The following KATNIP variants were observed in gnomAD, a reference collection of about 807,000 sequenced individuals.
The protein encoded by KATNIP is katanin-interacting protein.
A neutral mutation model predicts 174.0 loss-of-function variants in KATNIP; 126 were observed. The ratio of observed to expected loss-of-function variants is 0.72; its 90% confidence interval spans 0.63 to 0.84. KATNIP has a LOEUF of 0.84. Among genes scored for constraint, KATNIP ranks in the 40% least tolerant of loss-of-function variants. KATNIP has a pLI of 0.00. For synonymous variants in KATNIP, 810 were observed against 835.7 expected (o/e 0.97, Z 0.53); for missense variants, 1,958 against 2,109.7 (o/e 0.93, Z 1.41).
At position 27,751,907 on chromosome 16, in the gene KATNIP, T is replaced by G. The variant is rs1406340237; in HGVS notation, c.3535T>G (p.Leu1179Val). The change falls in exon 17 of 28, where the codon TTG becomes GTG. Residue 1179 changes from leucine to valine, a missense_variant. Coordinates refer to ENST00000261588, the MANE Select transcript of KATNIP (RefSeq NM_015202.5). ...TGAGCGGCCCTTCACCCAGGCTGGC[T>G]TGGGGGCTGATGAACGGGTAGGACT... ...GDERPFTQAG[L>V]GADERIPELE... 3.1e-6 allele frequency: 5 copies of G among 1,610,602 alleles called. No individual in the cohort carries two copies. The highest frequency in any genetic ancestry group is 1.3e-5 in the African/African-American group (1 of 74,866).
chr16:27,768,649 C>A (rs1470928261), intron 20 of KATNIP, among the ~76,000 whole-genome samples: 1 of 152,136 alleles, frequency 6.6e-6, no homozygotes, highest in Non-Finnish European at 1.5e-5. Context: ...GGTAGGAATC[C>A]CCCTTGAGGA....
chr16:27,577,900 AT>A (rs1006492501), intron 2 of KATNIP, among the ~76,000 whole-genome samples: 56 of 152,074 alleles, frequency 3.7e-4, no homozygotes, highest in African/African-American at 1.4e-3. Context: ...AATAAATAAA[AT>A]AAAAGTTCCC....
intron 2 of KATNIP, among the ~76,000 whole-genome samples, chr16:27,601,763 G>A (rs1048243066): frequency 7.9e-5 from 12 of 152,314 alleles, no homozygotes; most frequent in African/African-American, 2.2e-4. Context: ...AGAAGCACAA[G>A]GAATATGTGT....
At chr16:27,742,862 A>G (rs1320474387) in intron 15 of KATNIP, among the ~76,000 whole-genome samples, 1 of 142,528 alleles carries the variant, frequency 7.0e-6, no homozygotes, top group Non-Finnish European at 1.5e-5. Flanking sequence ...TTTAACTTTT[A>G]TTTTGGGTTC....
intron 11 of KATNIP, among the ~76,000 whole-genome samples, 173 bp downstream of exon 11, chr16:27,701,868 C>T (rs2079112219): frequency 6.6e-6 from 1 of 152,186 alleles, no homozygotes; most frequent in Non-Finnish European, 1.5e-5. Flanking sequence ...AAACAGCTCA[C>T]TGCAGCCTCA....
intron 8 of KATNIP, among the ~76,000 whole-genome samples, chr16:27,697,923 A>T (rs1297507994): frequency 1.3e-5 from 2 of 152,194 alleles, no homozygotes; most frequent in African/African-American, 4.8e-5. Context: ...GGCAGACATC[A>T]TTCCCCTTTA....
At chr16:27,576,290 G>A (rs574418411) in intron 2 of KATNIP, among the ~76,000 whole-genome samples, 24 of 152,184 alleles carry the variant, frequency 1.6e-4, no homozygotes, top group Non-Finnish European at 3.2e-4. Flanking sequence ...TCTCTCCTGG[G>A]AAGTGCTTGT....
At chr16:27,740,010 A>C (rs759759813) in intron 14 of KATNIP, 31 bp from the exon 15 acceptor site, 13 of 1,585,740 alleles carry the variant, frequency 8.2e-6, no homozygotes, top group Middle Eastern at 1.7e-4. Context: ...GATGCTATGC[A>C]TCTTCACTTT....
chr16:27,661,129 A>G (rs1346469371), intron 6 of KATNIP, among the ~76,000 whole-genome samples: 1 of 152,192 alleles, frequency 6.6e-6, no homozygotes, highest in Non-Finnish European at 1.5e-5. Flanking sequence ...CTAACAAGGA[A>G]TTTTTGTGTT....
chr16:27,763,523 G>C (rs2082022453), intron 19 of KATNIP, among the ~76,000 whole-genome samples: 1 of 148,632 alleles, frequency 6.7e-6, no homozygotes, highest in African/African-American at 2.5e-5. Context: ...GCTGAGGTGG[G>C]AGGATCACTT....
At chr16:27,643,518 G>T (rs574025388) in intron 5 of KATNIP, among the ~76,000 whole-genome samples, 1 of 148,608 alleles carries the variant, frequency 6.7e-6, no homozygotes, top group Non-Finnish European at 1.5e-5. Flanking sequence ...TTGAACCCAG[G>T]AGGCAGAGGT....
chr16:27,737,507 A>G (rs563133540), intron 14 of KATNIP, among the ~76,000 whole-genome samples: 107 of 152,280 alleles, frequency 7.0e-4, no homozygotes, highest in African/African-American at 2.5e-3. Flanking sequence ...AGATGAAAAT[A>G]ACTGGGAGCC....
chr16:27,748,207 C>T (rs1174296561), intron 15 of KATNIP, among the ~76,000 whole-genome samples: 8 of 152,206 alleles, frequency 5.3e-5, no homozygotes, highest in East Asian at 3.9e-4. Flanking sequence ...GTGTTCTCCA[C>T]GCACCTGGGA....
chr16:27,575,306 G>T (rs1472883569), intron 2 of KATNIP, among the ~76,000 whole-genome samples: 11 of 152,188 alleles, frequency 7.2e-5, no homozygotes, highest in Admixed American at 7.2e-4. Context: ...CATGAATAAG[G>T]AAGGTTGCAA....
At chr16:27,552,686 GTTTTTTTTTTT>G (rs768836183) in intron 1 of KATNIP, among the ~76,000 whole-genome samples, 1 of 94,382 alleles carries the variant, frequency 1.1e-5, no homozygotes, top group Non-Finnish European at 2.1e-5. Flanking sequence ...GCAAGTGGCA[GTTTTTTTTTTT>G]TTTTTTTTTT....
At chr16:27,628,612 C>T in intron 3 of KATNIP, 49 bp from the exon 4 acceptor site, 1 of 1,594,938 alleles carries the variant, frequency 6.3e-7, no homozygotes, top group Non-Finnish European at 8.6e-7. Context: ...GGTACAGCAG[C>T]CCAGACTCTC....
intron 2 of KATNIP, among the ~76,000 whole-genome samples, chr16:27,595,063 G>A (rs1347015661): frequency 6.6e-6 from 1 of 152,168 alleles, no homozygotes; most frequent in African/African-American, 2.4e-5. Flanking sequence ...ATAGATGATG[G>A]CAGGATTGGG....
At position 27,773,141 on chromosome 16, in the gene KATNIP, A is replaced by G. The variant is rs766975204; in HGVS notation, c.4241A>G (p.Tyr1414Cys). The G allele has an allele frequency of 8.1e-6, 13 of 1,612,628 alleles. No individual in the cohort carries two copies. Among genetic ancestry groups the G allele is most frequent in the Non-Finnish European group, 5.9e-6 (7 of 1,179,372 alleles). Residue 1414 changes from tyrosine to cysteine, a missense_variant, in exon 23 of 28, where the codon TAC becomes TGC. Tyr to Cys is a radical substitution (Grantham distance 194). Around this residue, in one of 3 missense-constraint regions of KATNIP, gnomAD observed 383 missense variants for 456.0 expected, o/e 0.84. Transcript: ENST00000261588. ...CTTCTCACCAGCTGGGGCGACCCCT[A>G]CTACATCGGCCTCACCGGCCTGGAG... ...FQLLTSWGDP[Y>C]YIGLTGLELY...
chr16:27,574,311 C>T, intron 2 of KATNIP: 1 of 293,766 alleles, frequency 3.4e-6, no homozygotes, highest in Non-Finnish European at 6.6e-6. Flanking sequence ...CCAGGCTCCG[C>T]ATGGTGCTCA....
Sources: allele counts gnomAD v4.1 joint callset (sites outside exome capture counted in the v4.1 genomes callset), GRCh38; gene constraint gnomAD v4.1.1; regional missense constraint gnomAD v4.1.1; transcripts MANE v1.5; gene names NCBI Gene and HGNC (gene_info 2026-07-23, HGNC 2026-07-21).